Variants in SDK1 observed in about 807,000 individuals in gnomAD.
SDK1 encodes protein sidekick-1.
A neutral mutation model predicts 245.5 loss-of-function variants in SDK1; 157 were observed. The ratio of observed to expected loss-of-function variants is 0.64; its 90% confidence interval spans 0.56 to 0.73. The LOEUF is 0.73. Ranked by LOEUF, SDK1 falls within the 30% of genes least tolerant of loss-of-function variation. The pLI, the probability that SDK1 is intolerant of heterozygous loss-of-function variation, is 0.00. For synonymous variants in SDK1, 1,647 were observed against 1,278.5 expected, an observed-to-expected ratio of 1.29 and a Z score of -6.15; for missense variants, 3,583 against 3,002.3, an observed-to-expected ratio of 1.19 and a Z score of -4.52.
chr7:4,206,153 G>T (rs1784211609), intron 36 of SDK1, among the ~76,000 whole-genome samples, 159 bp downstream of exon 36: 1 of 152,256 alleles, frequency 6.6e-6, no homozygotes, highest in Non-Finnish European at 1.5e-5. Context: ...CCTGTTAACT[G>T]TGGTCACAGC....
intron 32 of SDK1, among the ~76,000 whole-genome samples, chr7:4,171,997 C>G (rs1562385052): frequency 6.6e-6 from 1 of 152,232 alleles, no homozygotes; most frequent in Non-Finnish European, 1.5e-5. Context: ...TCCGACACCC[C>G]TGGGCCAGGA....
chr7:4,143,411 G>A (rs1779714912), intron 28 of SDK1, among the ~76,000 whole-genome samples: 1 of 152,118 alleles, frequency 6.6e-6, no homozygotes, highest in Non-Finnish European at 1.5e-5. Flanking sequence ...ACCAGGCATG[G>A]CTGTGCCAGC....
intron 22 of SDK1, among the ~76,000 whole-genome samples, chr7:4,084,747 A>C (rs1781325324): frequency 6.7e-6 from 1 of 149,476 alleles, no homozygotes; most frequent in African/African-American, 2.5e-5. Context: ...ACTTAAATGT[A>C]TATTTTATTT....
At chr7:3,690,245 C>T (rs1357827014) in intron 4 of SDK1, among the ~76,000 whole-genome samples, 1 of 152,062 alleles carries the variant, frequency 6.6e-6, no homozygotes, top group African/African-American at 2.4e-5. Flanking sequence ...TTCCACATGA[C>T]GATTAGCACA....
At chr7:3,405,315 C>A (rs957387527) in intron 1 of SDK1, among the ~76,000 whole-genome samples, 3 of 152,140 alleles carry the variant, frequency 2.0e-5, no homozygotes, top group Non-Finnish European at 4.4e-5. Context: ...GGGGGTAAAA[C>A]TTAGACCCAA....
rs969902476 is a variant in SDK1 at position 3,494,410 on chromosome 7, G to A, written c.299-124670G>A. Among the ~76,000 whole-genome samples the A allele has an allele frequency of 3.3e-5, 5 of 152,134 alleles. No homozygotes were observed. The South Asian group carries it at 6.2e-4, about 19-fold the overall frequency. On this transcript the variant is annotated intron_variant, in intron 1 of 44. Transcript: ENST00000404826. ...GCAAATAACTCTGCAGTGTAACAGCGCTTGAATACAATGATGACTTGTAAG... is the reference window on the plus strand; with the variant it reads ...GCAAATAACTCTGCAGTGTAACAGCACTTGAATACAATGATGACTTGTAAG...
chr7:3,823,974 T>TC (rs1180295955), intron 5 of SDK1, among the ~76,000 whole-genome samples: 1 of 151,896 alleles, frequency 6.6e-6, no homozygotes, highest in Non-Finnish European at 1.5e-5. Flanking sequence ...TGTTTTTTTT[T>TC]CTGCTAAAAG....
chr7:4,083,709 C>G (rs1199049187), intron 22 of SDK1, among the ~76,000 whole-genome samples: 13 of 52,228 alleles, frequency 2.5e-4, no homozygotes, highest in South Asian at 5.8e-4. Context: ...TCCTTTACTT[C>G]CTCCCTCCCT....
intron 6 of SDK1, among the ~76,000 whole-genome samples, chr7:3,951,285 A>T (rs560438118): frequency 1.3e-5 from 2 of 152,154 alleles, no homozygotes; most frequent in South Asian, 4.2e-4. Flanking sequence ...CTCCTCTGAG[A>T]TCCTCTCTAG....
chr7:4,130,638 C>T (rs1784748053), intron 27 of SDK1: 1 of 152,510 alleles, frequency 6.6e-6, no homozygotes, highest in Non-Finnish European at 1.5e-5. Flanking sequence ...CCAGGGTCCC[C>T]AGCTCCCTGA....
intron 1 of SDK1, among the ~76,000 whole-genome samples, chr7:3,363,120 G>A (rs1163162582): frequency 6.6e-6 from 1 of 152,162 alleles, no homozygotes; most frequent in Non-Finnish European, 1.5e-5. Context: ...CCCTTCTGCA[G>A]CCACACTGAC....
At chr7:3,353,366 G>A (rs775951048) in intron 1 of SDK1, among the ~76,000 whole-genome samples, 2 of 152,028 alleles carry the variant, frequency 1.3e-5, no homozygotes, top group Non-Finnish European at 2.9e-5. Flanking sequence ...CTTAGTGTAC[G>A]TTTGGGTTTA....
At chr7:3,731,959 T>C (rs542430565) in intron 4 of SDK1, among the ~76,000 whole-genome samples, 40 of 152,032 alleles carry the variant, frequency 2.6e-4, no homozygotes, top group Non-Finnish European at 1.0e-4. Flanking sequence ...GCCTAGATAA[T>C]TTTTGTATTT....
chr7:4,222,116 C>T (rs867495310), intron 40 of SDK1, among the ~76,000 whole-genome samples: 8 of 152,270 alleles, frequency 5.3e-5, no homozygotes, highest in African/African-American at 1.7e-4. Flanking sequence ...CAAACCCCAC[C>T]TGCCAATCTG....
chr7:4,220,299 T>G (rs1785070729), intron 39 of SDK1, 29 bp downstream of exon 39: 1 of 1,601,370 alleles, frequency 6.2e-7, no homozygotes, highest in South Asian at 1.1e-5. Context: ...GCAGACAATG[T>G]CAATTGCAAC....
At chr7:3,409,400 G>A (rs1779140329) in intron 1 of SDK1, among the ~76,000 whole-genome samples, 1 of 151,218 alleles carries the variant, frequency 6.6e-6, no homozygotes, top group Admixed American at 6.6e-5. Flanking sequence ...CTGTGTTTGT[G>A]TCTCGCTGCC....
intron 4 of SDK1, among the ~76,000 whole-genome samples, chr7:3,781,910 G>A (rs918382933): frequency 1.3e-5 from 2 of 152,170 alleles, no homozygotes; most frequent in Non-Finnish European, 2.9e-5. Context: ...GAAAGCCTAT[G>A]AGAGTTATGA....
At chr7:4,094,002 C>T (rs995815847) in intron 22 of SDK1, among the ~76,000 whole-genome samples, 1 of 152,154 alleles carries the variant, frequency 6.6e-6, no homozygotes, top group Non-Finnish European at 1.5e-5. Flanking sequence ...AGTTGAAGCC[C>T]ATACAATCCG....
chr7:3,787,947 G>T (rs1367494398), intron 4 of SDK1, among the ~76,000 whole-genome samples: 2 of 152,224 alleles, frequency 1.3e-5, no homozygotes, highest in Admixed American at 1.3e-4. Context: ...GAAGTCTGAA[G>T]AGAAAGGAAC....
Sources: gnomAD v4.1 joint callset for allele counts (sites outside exome capture counted in the v4.1 genomes callset) on GRCh38, gnomAD v4.1.1 for gene constraint, MANE v1.5 for transcripts, NCBI Gene and HGNC (gene_info 2026-07-23, HGNC 2026-07-21) for gene names.